The following FMN1 variants were observed in gnomAD, a reference collection of about 807,000 sequenced individuals.
FMN1 encodes the protein formin-1.
Under a neutral mutation model 132.4 loss-of-function variants are expected in FMN1, and 110 were observed. That is an observed-to-expected ratio of 0.83 (90% CI 0.71 to 0.97). FMN1 has a LOEUF of 0.97. Among genes scored for constraint, FMN1 ranks in the 50% least tolerant of loss-of-function variants. The probability of loss-of-function intolerance (pLI) is 0.00; values close to 1 mark genes in which losing one functional copy is unlikely to be tolerated. For synonymous variants in FMN1, 722 were observed against 651.7 expected, an observed-to-expected ratio of 1.11 and a Z score of -1.64; for missense variants, 1,792 against 1,705.3, an observed-to-expected ratio of 1.05 and a Z score of -0.90.
chr15:33,083,339 T>A (rs1442587728), intron 5 of FMN1, among the ~76,000 whole-genome samples: 1 of 152,202 alleles, frequency 6.6e-6, no homozygotes, highest in African/African-American at 2.4e-5. Flanking sequence ...TCTTTTGTTA[T>A]TCAGAACAAG....
chr15:32,889,857 T>C (rs190882304), intron 15 of FMN1, among the ~76,000 whole-genome samples: 2 of 152,318 alleles, frequency 1.3e-5, no homozygotes, highest in East Asian at 3.9e-4. Flanking sequence ...TTGTGAAATT[T>C]TGGTTCCCCT....
intron 17 of FMN1, among the ~76,000 whole-genome samples, chr15:32,805,761 A>G (rs753843514): frequency 7.9e-5 from 12 of 152,178 alleles, no homozygotes; most frequent in South Asian, 4.2e-4. Flanking sequence ...ATCCAGTAGC[A>G]TTTGCAGCAG....
intron 4 of FMN1, among the ~76,000 whole-genome samples, chr15:33,125,437 G>A (rs937989638): frequency 2.9e-5 from 4 of 136,398 alleles, no homozygotes; most frequent in African/African-American, 1.0e-4. Context: ...AAGACAATAT[G>A]TGTAGAAGAT....
chr15:33,067,067 A>G (rs751216911), intron 5 of FMN1: 1 of 1,613,972 alleles, frequency 6.2e-7, no homozygotes, highest in South Asian at 1.1e-5. Flanking sequence ...AAAAGCTGGA[A>G]GTTGGAATGA....
intron 4 of FMN1, among the ~76,000 whole-genome samples, chr15:33,115,134 T>TCA (rs2140143961): frequency 6.6e-6 from 1 of 152,284 alleles, no homozygotes; most frequent in Non-Finnish European, 1.5e-5. Context: ...GCCCTTGCCT[T>TCA]CAAGGAGTCC....
intron 4 of FMN1, among the ~76,000 whole-genome samples, chr15:33,115,963 G>GT (rs1469937479): frequency 4.6e-5 from 7 of 152,108 alleles, no homozygotes; most frequent in Admixed American, 6.6e-5. Flanking sequence ...TGCAATAATA[G>GT]TAAGTTTCTC....
At chr15:32,886,104 T>C (rs540167980) in intron 16 of FMN1, among the ~76,000 whole-genome samples, 3 of 152,326 alleles carry the variant, frequency 2.0e-5, no homozygotes, top group South Asian at 4.1e-4. Context: ...TCTGGCCATC[T>C]TGCCAGATGG....
At chr15:33,131,485 A>G (rs1335946900) in intron 4 of FMN1, among the ~76,000 whole-genome samples, 1 of 152,228 alleles carries the variant, frequency 6.6e-6, no homozygotes, top group Non-Finnish European at 1.5e-5. Flanking sequence ...ATAACTAGTC[A>G]TTGATATACT....
chr15:33,015,781 G>A (rs920151263), intron 6 of FMN1, among the ~76,000 whole-genome samples: 3 of 152,052 alleles, frequency 2.0e-5, no homozygotes, highest in African/African-American at 4.8e-5. Flanking sequence ...CACACACACC[G>A]GCAAGGTCAT....
At chr15:32,797,832 G>T (rs954499777) in intron 19 of FMN1, among the ~76,000 whole-genome samples, 3 of 152,060 alleles carry the variant, frequency 2.0e-5, no homozygotes, top group Non-Finnish European at 2.9e-5. Flanking sequence ...TATTAGGGTA[G>T]GTTGTGATGT....
In FMN1 at chr15:32,969,100, T is replaced by A; in HGVS notation, c.2601A>T (p.Ala867=). ...MEGMASNQQK[A]LPPPPASIPP... is the part of the protein sequence containing the mutation. ...GGATGGATGCGGGAGGCGGAGGCAA[T>A]GCCTTCTGCTGATTTGATGCCATGC... is the stretch of plus-strand genomic sequence containing the variant. Residue 867 remains alanine (A), a synonymous_variant, in exon 8 of 21, where the codon GCA becomes GCT. Transcript: ENST00000616417. The A allele has an allele frequency of 6.2e-7, 1 of 1,610,952 alleles. No homozygotes were observed. Among genetic ancestry groups the A allele is most frequent in the Non-Finnish European group, 8.5e-7 (1 of 1,177,752 alleles).
chr15:32,810,567 AATG>A lies in FMN1; in HGVS notation c.3929-6238_3929-6236del, dbSNP rs770109317. ...AAAAAGAGAAAGTTTTTATAAATAA[AATG>A]ATATTTCCATAAAATATTCAGACTA... On this transcript the variant is annotated intron_variant, in intron 17 of 20. Coordinates refer to ENST00000616417, the MANE Select transcript of FMN1 (RefSeq NM_001277313.2). Among the ~76,000 whole-genome samples the A allele has an allele frequency of 5.3e-5, 8 of 152,342 alleles. No individual in the cohort carries two copies. The East Asian group carries it at 1.2e-3, about 22-fold the overall frequency.
rs1466784408 is a variant in FMN1, at chr15:33,137,793, C to T, written c.1867+15255G>A. ...AAGAACCCACCACCATACAGCTTGC[C>T]CAACAAATTGCCCTTCTGCTGTGTT... On this transcript the variant is annotated intron_variant, in intron 4 of 20. Transcript: ENST00000616417. 6.6e-5 allele frequency among the ~76,000 whole-genome samples: 10 copies of T among 152,164 alleles called. No homozygotes were observed. In the East Asian group the frequency reaches 1.9e-3, roughly 29 times the overall value.
chr15:32,767,945 T>C lies in FMN1; in HGVS notation c.*6365A>G, dbSNP rs1429448643. 1.3e-5 allele frequency: 2 copies of C among 152,156 alleles called. No individual in the cohort carries two copies. The highest frequency in any genetic ancestry group is 4.8e-5 in the African/African-American group (2 of 41,432). 9.4% of individuals were successfully genotyped at this position (152,156 alleles called of 1,614,324 possible). On this transcript the variant is annotated 3_prime_UTR_variant, in exon 21 of 21. Coordinates refer to ENST00000616417, the MANE Select transcript of FMN1 (RefSeq NM_001277313.2). ...GAGCTACCTTCTTTATGCCTTGTGG[T>C]CCAATGTATGAAGAAATAAGATTTT...
At chr15:33,095,181 C>G (rs1427038150) in intron 4 of FMN1, among the ~76,000 whole-genome samples, 1 of 151,948 alleles carries the variant, frequency 6.6e-6, no homozygotes, top group Non-Finnish European at 1.5e-5. Flanking sequence ...AACCCCATCT[C>G]TACTGAAAAT....
intron 7 of FMN1, among the ~76,000 whole-genome samples, chr15:32,992,958 T>A (rs536167749): frequency 6.6e-6 from 1 of 152,328 alleles, no homozygotes; most frequent in South Asian, 2.1e-4. Flanking sequence ...GCCTGAAAGA[T>A]GAAACATTTC....
Position 32,776,893 on chromosome 15 carries a change from C to T in FMN1, c.4157G>A (p.Ser1386Asn). Reference sequence around the variant, plus strand: ...CACTTTCTTCTCTGAAGTCAACTTGCTGACTGATTCCTGAGCCATTTTCAA... The same window carrying T: ...CACTTTCTTCTCTGAAGTCAACTTGTTGACTGATTCCTGAGCCATTTTCAA... Reference protein sequence around the residue: ...ERLKMAQESVSKLTSEKKVET... With the variant: ...ERLKMAQESVNKLTSEKKVET... Residue 1386 changes from serine (S) to asparagine (N), a missense_variant, in exon 20 of 21, where the codon AGC becomes AAC. Physicochemically the swap from Ser to Asn is conservative, Grantham distance 46. Coordinates refer to ENST00000616417, the MANE Select transcript of FMN1 (RefSeq NM_001277313.2). The T allele has an allele frequency of 6.3e-7, 1 of 1,594,064 alleles. No individual in the cohort carries two copies. The highest frequency in any genetic ancestry group is 8.6e-7 in the Non-Finnish European group (1 of 1,168,038).
intron 8 of FMN1, among the ~76,000 whole-genome samples, chr15:32,966,079 A>C (rs1487127518): frequency 6.6e-6 from 1 of 152,102 alleles, no homozygotes; most frequent in Non-Finnish European, 1.5e-5. Context: ...GGCCTTGGGA[A>C]GGTTCTGGGC....
chr15:33,052,409 A>G (rs2037018043), intron 6 of FMN1, among the ~76,000 whole-genome samples: 3 of 152,232 alleles, frequency 2.0e-5, no homozygotes, highest in South Asian at 4.1e-4. Flanking sequence ...CCATGCAAAT[A>G]CACGTGCATG....
Sources: gnomAD v4.1 joint callset for allele counts (sites outside exome capture counted in the v4.1 genomes callset) on GRCh38, gnomAD v4.1.1 for gene constraint, MANE v1.5 for transcripts, NCBI Gene and HGNC (gene_info 2026-07-23, HGNC 2026-07-21) for gene names.